Variants in GRID1 observed in about 807,000 individuals in gnomAD.
The protein encoded by GRID1 is glutamate ionotropic receptor delta type subunit 1.
GRID1 carries 28 observed loss-of-function variants against 98.0 expected under a neutral mutation model. The observed-to-expected ratio is 0.29, with a 90% CI of 0.21 to 0.39. The LOEUF is 0.39. GRID1 is among the 10% of genes least tolerant of loss of function. GRID1 has a pLI of 1.00. For synonymous variants in GRID1, 553 were observed against 538.5 expected, an observed-to-expected ratio of 1.03 and a Z score of -0.37; for missense variants, 1,111 against 1,340.5, an observed-to-expected ratio of 0.83 and a Z score of 2.67.
intron 4 of GRID1, among the ~76,000 whole-genome samples, chr10:85,931,105 T>A (rs1436337675): frequency 2.6e-5 from 4 of 152,212 alleles, no homozygotes; most frequent in African/African-American, 7.2e-5. Flanking sequence ...GTGCTGAGAC[T>A]ACAGGCATGA....
intron 5 of GRID1, among the ~76,000 whole-genome samples, chr10:85,915,937 C>G (rs1244140561): frequency 6.6e-6 from 1 of 152,194 alleles, no homozygotes; most frequent in African/African-American, 2.4e-5. Context: ...TCATCCCTGC[C>G]ACCACTGCCC....
chr10:86,033,331 G>A (rs564545594), intron 4 of GRID1, among the ~76,000 whole-genome samples: 7 of 150,502 alleles, frequency 4.7e-5, no homozygotes, highest in South Asian at 2.2e-4. Context: ...CTTGCTGCCC[G>A]GCTTGGTACG....
chr10:86,298,502 T>G (rs1402820974), intron 2 of GRID1, among the ~76,000 whole-genome samples: 2 of 152,192 alleles, frequency 1.3e-5, no homozygotes, highest in Non-Finnish European at 2.9e-5. Flanking sequence ...ACCCCTGTGC[T>G]GGGGGTGTGG....
chr10:86,272,634 A>G (rs1444906890), intron 2 of GRID1, among the ~76,000 whole-genome samples: 1 of 152,226 alleles, frequency 6.6e-6, no homozygotes, highest in Non-Finnish European at 1.5e-5. Flanking sequence ...AAAAAGTGAC[A>G]GGCATTACTC....
intron 2 of GRID1, among the ~76,000 whole-genome samples, chr10:86,273,402 A>G (rs1002671895): frequency 6.9e-6 from 1 of 145,830 alleles, no homozygotes; most frequent in African/African-American, 2.5e-5. Context: ...TAGCAGCATG[A>G]TTTATAGTCC....
At chr10:85,899,138 C>T (rs1841341794) in intron 5 of GRID1, among the ~76,000 whole-genome samples, 2 of 152,216 alleles carry the variant, frequency 1.3e-5, no homozygotes, top group Admixed American at 1.3e-4. Context: ...AATTCTGTAA[C>T]ACAGAAGTGT....
Position 85,681,382 on chromosome 10 carries a change from A to T in GRID1, c.1998-33985T>A, listed in dbSNP as rs914042243. ...CAACACCTATGAAGCAGATATTAGT[A>T]TTCTTCATTTGTTTCTAGAAAAATA... On this transcript the variant is annotated intron_variant, in intron 12 of 15. Coordinates refer to ENST00000327946, the MANE Select transcript of GRID1 (RefSeq NM_017551.3). Among the ~76,000 whole-genome samples, 3 of 152,194 alleles carry T rather than the reference A, an allele frequency of 2.0e-5. No individual in the cohort carries two copies. In the East Asian group the frequency reaches 5.8e-4, roughly 29 times the overall value.
At chr10:86,087,704 C>T (rs1487682367) in intron 4 of GRID1, among the ~76,000 whole-genome samples, 1 of 151,690 alleles carries the variant, frequency 6.6e-6, no homozygotes, top group African/African-American at 2.4e-5. Flanking sequence ...CACACAATCT[C>T]CCAGTATCAC....
In GRID1 at chr10:85,874,349, C is replaced by T. The variant is rs566027628; in HGVS notation, c.781-5169G>A. Among the ~76,000 whole-genome samples, 29 of 152,192 alleles carry T rather than the reference C, an allele frequency of 1.9e-4. No homozygotes were observed. The South Asian group carries it at 6.0e-3, about 32-fold the overall frequency. ...ATATGTGGTAAGGGAGTTTCTGTTG[C>T]TCTACCTCCTTGCCTACACCTGATA... is the stretch of plus-strand genomic sequence containing the variant. On this transcript the variant is annotated intron_variant, in intron 5 of 15. Coordinates refer to ENST00000327946, the MANE Select transcript of GRID1 (RefSeq NM_017551.3).
chr10:86,209,222 AT>A (rs1458480207), intron 2 of GRID1, among the ~76,000 whole-genome samples: 1 of 152,248 alleles, frequency 6.6e-6, no homozygotes, highest in East Asian at 1.9e-4. Context: ...ATTAGCCAAA[AT>A]TTTGTGACAT....
chr10:85,695,303 T>C (rs1273053735), intron 12 of GRID1, among the ~76,000 whole-genome samples: 1 of 152,196 alleles, frequency 6.6e-6, no homozygotes, highest in Non-Finnish European at 1.5e-5. Flanking sequence ...CCAGATGCTG[T>C]AGTTCTGGAT....
At chr10:85,815,712 G>T (rs957996824) in intron 8 of GRID1, among the ~76,000 whole-genome samples, 2 of 151,842 alleles carry the variant, frequency 1.3e-5, no homozygotes, top group African/African-American at 2.4e-5. Context: ...CCAAAAAAAT[G>T]TAATTTGAAA....
In GRID1 at chr10:85,612,830, G is replaced by A. The variant is rs543297956; in HGVS notation, c.2601+577C>T. On this transcript the variant is annotated intron_variant, in intron 15 of 15. Transcript: ENST00000327946. ...ATCAGTTTGCAGTTGGCACACATGG[G>A]GAGAAATGTGTGCCCAGAACCCGGA... 3.3e-4 allele frequency among the ~76,000 whole-genome samples: 50 copies of A among 152,194 alleles called. No homozygotes were observed. The South Asian group carries it at 9.8e-3, about 30-fold the overall frequency.
At chr10:85,697,951 C>T (rs766259284) in intron 12 of GRID1, among the ~76,000 whole-genome samples, 37 of 152,274 alleles carry the variant, frequency 2.4e-4, no homozygotes, top group Admixed American at 1.8e-3. Flanking sequence ...CAAGGATTTA[C>T]AGTACCCACT....
chr10:86,313,058 A>C (rs1395111713), intron 2 of GRID1, among the ~76,000 whole-genome samples: 2 of 152,168 alleles, frequency 1.3e-5, no homozygotes. Flanking sequence ...TCTAGGGCTG[A>C]GAGAGGCCAG....
intron 4 of GRID1, among the ~76,000 whole-genome samples, chr10:86,027,408 C>T (rs1843129759): frequency 1.3e-5 from 2 of 152,214 alleles, no homozygotes; most frequent in Non-Finnish European, 2.9e-5. Context: ...TTTATCCAAG[C>T]TGTAACATGT....
At chr10:85,788,007 A>C (rs1230092839) in intron 8 of GRID1, among the ~76,000 whole-genome samples, 1 of 151,786 alleles carries the variant, frequency 6.6e-6, no homozygotes, top group Non-Finnish European at 1.5e-5. Context: ...AGCACATCAC[A>C]AGGATCTGCT....
At chr10:85,952,500 T>A (rs1489960653) in intron 4 of GRID1, among the ~76,000 whole-genome samples, 1 of 152,202 alleles carries the variant, frequency 6.6e-6, no homozygotes, top group Non-Finnish European at 1.5e-5. Flanking sequence ...TGATATCAAT[T>A]GCAATATTAC....
chr10:86,242,970 G>A (rs1277081788), intron 2 of GRID1, among the ~76,000 whole-genome samples: 1 of 152,172 alleles, frequency 6.6e-6, no homozygotes, highest in Non-Finnish European at 1.5e-5. Flanking sequence ...ACCTCCAGCA[G>A]GCCTACGCTG....
Sources: allele counts gnomAD v4.1 joint callset (sites outside exome capture counted in the v4.1 genomes callset), GRCh38; gene constraint gnomAD v4.1.1; transcripts MANE v1.5; gene names NCBI Gene and HGNC (gene_info 2026-07-23, HGNC 2026-07-21).